The following MNAT1 variants were observed in gnomAD, a reference collection of about 807,000 sequenced individuals.
The protein encoded by MNAT1 is CDK-activating kinase assembly factor MAT1.
Under a neutral mutation model 42.0 loss-of-function variants are expected in MNAT1, and 43 were observed. The observed-to-expected ratio is 1.02, with a 90% confidence interval of 0.80 to 1.32. The LOEUF (loss-of-function observed/expected upper bound fraction) is 1.32. Among genes scored for constraint, MNAT1 ranks in the 40% most tolerant of loss-of-function variants. The probability of loss-of-function intolerance (pLI) is 0.00; values close to 1 mark genes in which losing one functional copy is unlikely to be tolerated. For synonymous variants in MNAT1, 118 were observed against 120.0 expected, an observed-to-expected ratio of 0.98 and a Z score of 0.11; for missense variants, 306 against 350.4, an observed-to-expected ratio of 0.87 and a Z score of 1.01.
intron 1 of MNAT1, among the ~76,000 whole-genome samples, chr14:60,779,285 A>G (rs1001874696): frequency 2.6e-5 from 4 of 152,200 alleles, no homozygotes; most frequent in Non-Finnish European, 5.9e-5. Context: ...AGGGCATGGT[A>G]ACCAGAGTTT....
intron 7 of MNAT1, among the ~76,000 whole-genome samples, chr14:60,908,990 T>C (rs2035280910): frequency 6.6e-6 from 1 of 152,160 alleles, no homozygotes; most frequent in African/African-American, 2.4e-5. Flanking sequence ...ACCTGTTGTT[T>C]CCTGACTTTT....
chr14:60,874,998 C>T (rs1268794777), intron 6 of MNAT1, among the ~76,000 whole-genome samples: 3 of 151,902 alleles, frequency 2.0e-5, no homozygotes, highest in African/African-American at 2.4e-5. Context: ...GAGTTTTTTC[C>T]GAGGGAAAGA....
chr14:60,840,579 A>T (rs574214287), intron 6 of MNAT1, among the ~76,000 whole-genome samples: 1 of 152,218 alleles, frequency 6.6e-6, no homozygotes, highest in Admixed American at 6.5e-5. Context: ...CCTTGATCCC[A>T]GTCCTTATAC....
In MNAT1 at chr14:60,779,744, C is replaced by A. The variant is rs376294906; in HGVS notation, c.90-16473C>A. ...GAGATTGCAGTGAGCCGAGATCGCA[C>A]CACTGCACTCCAGCCTGGCAACAAA... On this transcript the variant is annotated intron_variant, in intron 1 of 7. Transcript: ENST00000261245. Among the ~76,000 whole-genome samples the A allele has an allele frequency of 9.9e-5, 15 of 151,808 alleles. No homozygotes were observed. The East Asian group carries it at 1.2e-3, about 12-fold the overall frequency.
chr14:60,894,082 GT>G (rs1429141500), intron 7 of MNAT1, among the ~76,000 whole-genome samples: 1 of 152,116 alleles, frequency 6.6e-6, no homozygotes, highest in African/African-American at 2.4e-5. Flanking sequence ...GCACAGGGCT[GT>G]TTCCTGCCTC....
At chr14:60,829,047 A>G (rs549169797) in intron 6 of MNAT1, among the ~76,000 whole-genome samples, 2 of 152,160 alleles carry the variant, frequency 1.3e-5, no homozygotes, top group African/African-American at 4.8e-5. Context: ...CCTATAGCCA[A>G]GATTGATAAA....
At chr14:60,779,509 CT>C in intron 1 of MNAT1, among the ~76,000 whole-genome samples, 1 of 152,276 alleles carries the variant, frequency 6.6e-6, no homozygotes, top group Non-Finnish European at 1.5e-5. Flanking sequence ...CTGTTTCCGG[CT>C]GGGCGCGGTG....
intron 3 of MNAT1, among the ~76,000 whole-genome samples, chr14:60,801,862 T>C (rs1445659727): frequency 2.0e-5 from 3 of 152,134 alleles, no homozygotes; most frequent in Admixed American, 6.5e-5. Context: ...AGCTAAGATA[T>C]GGAATCAACC....
intron 7 of MNAT1, among the ~76,000 whole-genome samples, chr14:60,917,611 T>G (rs949524666): frequency 3.3e-5 from 5 of 149,684 alleles, no homozygotes; most frequent in East Asian, 1.9e-4. Context: ...TTGAGTTTTG[T>G]TTTTTTTTTG....
intron 7 of MNAT1, among the ~76,000 whole-genome samples, chr14:60,923,438 T>C (rs1002290306): frequency 6.6e-6 from 1 of 152,230 alleles, no homozygotes; most frequent in Non-Finnish European, 1.5e-5. Flanking sequence ...ACAAAAATGC[T>C]TCTGTTACAT....
chr14:60,955,565 G>A (rs760124072), intron 7 of MNAT1, among the ~76,000 whole-genome samples: 2 of 152,176 alleles, frequency 1.3e-5, no homozygotes, highest in Non-Finnish European at 2.9e-5. Context: ...GGAGACTGAG[G>A]CAAGATAATT....
chr14:60,811,015 C>T (rs559822146), intron 4 of MNAT1, among the ~76,000 whole-genome samples: 8 of 152,168 alleles, frequency 5.3e-5, no homozygotes, highest in African/African-American at 1.7e-4. Context: ...TCAATGTTTG[C>T]TTTACATATT....
At chr14:60,858,734 C>G (rs1226624192) in intron 6 of MNAT1, among the ~76,000 whole-genome samples, 1 of 152,180 alleles carries the variant, frequency 6.6e-6, no homozygotes, top group Non-Finnish European at 1.5e-5. Context: ...CCTGATCAGT[C>G]AGCAGCCATC....
At chr14:60,814,452 A>G (rs1261580867) in intron 5 of MNAT1, among the ~76,000 whole-genome samples, 2 of 152,074 alleles carry the variant, frequency 1.3e-5, no homozygotes, top group Non-Finnish European at 2.9e-5. Context: ...TTATGTTCAT[A>G]TAATTTATTT....
intron 1 of MNAT1, among the ~76,000 whole-genome samples, chr14:60,764,185 G>A (rs972332635): frequency 6.6e-6 from 1 of 152,118 alleles, no homozygotes; most frequent in Non-Finnish European, 1.5e-5. Context: ...TGATATATCT[G>A]TTAAACTACT....
rs527610931 is a variant in MNAT1, at chr14:60,852,876, G to C, written c.688-26838G>C. Among the ~76,000 whole-genome samples, 55 of 152,282 alleles carry C rather than the reference G, an allele frequency of 3.6e-4. 1 individual carries two copies. Among genetic ancestry groups the C allele is most frequent in the Admixed American group, 1.3e-3 (20 of 15,294 alleles). ...GTTGTAGATGTGTGGTGCTACTTCT[G>C]AGGTCTCTGTTGTGTTCCATTGGTC... On this transcript the variant is annotated intron_variant, in intron 6 of 7. Coordinates refer to ENST00000261245, the MANE Select transcript of MNAT1 (RefSeq NM_002431.4).
chr14:60,820,922 G>A (rs1294285237), intron 6 of MNAT1, among the ~76,000 whole-genome samples: 5 of 152,082 alleles, frequency 3.3e-5, no homozygotes, highest in Admixed American at 3.3e-4. Flanking sequence ...TTTGTACTAA[G>A]AAGTCAATGG....
chr14:60,897,951 G>T (rs1302202763), intron 7 of MNAT1, among the ~76,000 whole-genome samples: 1 of 152,048 alleles, frequency 6.6e-6, no homozygotes, highest in Non-Finnish European at 1.5e-5. Flanking sequence ...ATCTCCATGA[G>T]ATCAAGTTTT....
At chr14:60,912,957 G>T (rs1374684409) in intron 7 of MNAT1, among the ~76,000 whole-genome samples, 9 of 152,264 alleles carry the variant, frequency 5.9e-5, no homozygotes, top group Admixed American at 5.2e-4. Context: ...TCACTTTCAG[G>T]TACACCAATT....
Sources: gnomAD v4.1 joint callset for allele counts (sites outside exome capture counted in the v4.1 genomes callset) on GRCh38, gnomAD v4.1.1 for gene constraint, MANE v1.5 for transcripts, NCBI Gene and HGNC (gene_info 2026-07-23, HGNC 2026-07-21) for gene names.